Variants in GRM7 observed in about 807,000 individuals in gnomAD.
GRM7 encodes metabotropic glutamate receptor 7.
In GRM7, 35 loss-of-function variants were observed where a neutral mutation model predicts 84.5. The observed-to-expected ratio is 0.41, with a 90% CI of 0.32 to 0.55. The LOEUF (loss-of-function observed/expected upper bound fraction) is 0.55, where lower values mean the gene tolerates loss of function less well. GRM7 is among the 20% of genes least tolerant of loss of function. The pLI is 0.19. For missense variants in GRM7, 1,003 were observed against 1,194.6 expected (o/e 0.84, Z 2.36); for synonymous variants, 487 against 455.1 (o/e 1.07, Z -0.89).
chr3:7,312,382 A>G (rs1279197837), intron 4 of GRM7, among the ~76,000 whole-genome samples: 7 of 151,980 alleles, frequency 4.6e-5, no homozygotes, highest in Admixed American at 1.3e-4. Flanking sequence ...CCTCAAAAGG[A>G]AGGGAGGCAA....
At chr3:7,605,541 G>A (rs1052022277) in intron 8 of GRM7, among the ~76,000 whole-genome samples, 1 of 151,902 alleles carries the variant, frequency 6.6e-6, no homozygotes, top group Non-Finnish European at 1.5e-5. Context: ...ATAATCCTGG[G>A]GCATAATATA....
At chr3:7,720,155 C>G (rs1424992722) in intron 9 of GRM7, among the ~76,000 whole-genome samples, 1 of 152,144 alleles carries the variant, frequency 6.6e-6, no homozygotes, top group East Asian at 1.9e-4. Flanking sequence ...ACTTGACAAT[C>G]TCTCACAAGA....
intron 8 of GRM7, among the ~76,000 whole-genome samples, chr3:7,627,333 C>T (rs1411011878): frequency 6.6e-6 from 1 of 152,146 alleles, no homozygotes; most frequent in Non-Finnish European, 1.5e-5. Context: ...TACAAATTAG[C>T]ACTCTATCTT....
chr3:7,450,530 T>C (rs1435472676), intron 5 of GRM7, among the ~76,000 whole-genome samples: 1 of 152,284 alleles, frequency 6.6e-6, no homozygotes, highest in Non-Finnish European at 1.5e-5. Flanking sequence ...TGATTGTTAT[T>C]CTAAGAATGT....
At chr3:7,528,285 C>T (rs951590876) in intron 7 of GRM7, among the ~76,000 whole-genome samples, 2 of 151,922 alleles carry the variant, frequency 1.3e-5, no homozygotes, top group Admixed American at 6.6e-5. Context: ...TATTAATTTT[C>T]TCTAGATTTT....
chr3:7,363,246 CTA>C (rs1693745927), intron 4 of GRM7, among the ~76,000 whole-genome samples: 1 of 151,756 alleles, frequency 6.6e-6, no homozygotes, highest in South Asian at 2.1e-4. Context: ...AAATAACAGT[CTA>C]TGTGAATCAC....
intron 7 of GRM7, among the ~76,000 whole-genome samples, chr3:7,572,507 C>A (rs936653925): frequency 1.3e-5 from 2 of 151,854 alleles, no homozygotes; most frequent in Non-Finnish European, 2.9e-5. Flanking sequence ...TGCCCAGGGT[C>A]TACTGCAGTT....
At chr3:7,324,501 C>A (rs1575168368) in intron 4 of GRM7, among the ~76,000 whole-genome samples, 2 of 152,248 alleles carry the variant, frequency 1.3e-5, no homozygotes, top group Admixed American at 1.3e-4. Flanking sequence ...AGAACAGCCT[C>A]TTATGGCCTT....
chr3:7,115,494 G>T (rs141842682), intron 1 of GRM7, among the ~76,000 whole-genome samples: 133 of 152,228 alleles, frequency 8.7e-4, no homozygotes, highest in Non-Finnish European at 1.5e-3. Flanking sequence ...TAGATATATA[G>T]ATAGATGCTA....
At chr3:7,087,298 G>GTACT (rs1264855055) in intron 1 of GRM7, among the ~76,000 whole-genome samples, 1 of 151,944 alleles carries the variant, frequency 6.6e-6, no homozygotes, top group Non-Finnish European at 1.5e-5. Flanking sequence ...TTACATTATA[G>GTACT]TACTTAAAGT....
In GRM7 at chr3:7,689,041, C is replaced by T. The variant is rs114476996; in HGVS notation, c.2698+8746C>T. On this transcript the variant is annotated intron_variant, in intron 9 of 9. Coordinates refer to ENST00000357716, the MANE Select transcript of GRM7 (RefSeq NM_000844.4). ...GTTATCAACCTAATGACATTTATGTCGAAATGCAATTAGGTACAAAATAAA... is the reference window on the plus strand; with the variant it reads ...GTTATCAACCTAATGACATTTATGTTGAAATGCAATTAGGTACAAAATAAA... 7.8e-3 allele frequency among the ~76,000 whole-genome samples: 1,184 copies of T among 152,220 alleles called. 17 individuals carry two copies. Among genetic ancestry groups the T allele is most frequent in the African/African-American group, 0.027 (1,120 of 41,534 alleles).
At chr3:7,239,848 A>G (rs894145140) in intron 2 of GRM7, among the ~76,000 whole-genome samples, 1 of 152,194 alleles carries the variant, frequency 6.6e-6, no homozygotes, top group African/African-American at 2.4e-5. Context: ...TTCACAAGTT[A>G]GTTCTGCCCT....
At chr3:7,715,655 G>A (rs1395563676) in intron 9 of GRM7, among the ~76,000 whole-genome samples, 1 of 152,022 alleles carries the variant, frequency 6.6e-6, no homozygotes, top group Non-Finnish European at 1.5e-5. Context: ...AACTCTTATT[G>A]AATAGTACAG....
intron 1 of GRM7, among the ~76,000 whole-genome samples, chr3:7,083,855 C>T (rs1197209930): frequency 6.6e-6 from 1 of 152,096 alleles, no homozygotes; most frequent in Admixed American, 6.6e-5. Context: ...GGTAATGCAT[C>T]CTTCCAAAAT....
At chr3:6,985,901 T>C (rs551631933) in intron 1 of GRM7, among the ~76,000 whole-genome samples, 63 of 152,310 alleles carry the variant, frequency 4.1e-4, no homozygotes, top group African/African-American at 1.5e-3. Flanking sequence ...AAGACTTAAA[T>C]TCGCTTATTT....
intron 8 of GRM7, among the ~76,000 whole-genome samples, chr3:7,605,131 C>T (rs1696502964): frequency 6.6e-6 from 1 of 152,052 alleles, no homozygotes; most frequent in African/African-American, 2.4e-5. Context: ...ATCTGAAAAA[C>T]TGCCCAGATG....
intron 1 of GRM7, among the ~76,000 whole-genome samples, chr3:6,947,147 G>A (rs1352866172): frequency 6.6e-6 from 1 of 152,166 alleles, no homozygotes; most frequent in Non-Finnish European, 1.5e-5. Context: ...CAAAAGGAAT[G>A]CTTCCAGTTT....
chr3:6,989,037 A>G (rs1336849426), intron 1 of GRM7, among the ~76,000 whole-genome samples: 1 of 152,220 alleles, frequency 6.6e-6, no homozygotes, highest in Non-Finnish European at 1.5e-5. Flanking sequence ...GATTTCTTAA[A>G]TCTTTCAGCA....
intron 2 of GRM7, among the ~76,000 whole-genome samples, chr3:7,147,129 T>C (rs972782970): frequency 3.3e-5 from 5 of 152,180 alleles, no homozygotes; most frequent in Middle Eastern, 6.3e-3. Flanking sequence ...CAAAACAAAA[T>C]TAAATAAATT....
Sources: allele counts gnomAD v4.1 joint callset (sites outside exome capture counted in the v4.1 genomes callset), GRCh38; gene constraint gnomAD v4.1.1; transcripts MANE v1.5; gene names NCBI Gene and HGNC (gene_info 2026-07-23, HGNC 2026-07-21).